ABCG1: variants seen among roughly 807,000 people sequenced by gnomAD.
ABCG1 encodes the protein ATP-binding cassette sub-family G member 1.
ABCG1 carries 29 observed loss-of-function variants against 69.2 expected under a neutral mutation model. The observed-to-expected ratio is 0.42, with a 90% CI of 0.31 to 0.57. ABCG1 has a LOEUF of 0.57. ABCG1 is among the 20% of genes least tolerant of loss of function. ABCG1 has a pLI of 0.15. For missense variants in ABCG1, 718 were observed against 898.1 expected, an observed-to-expected ratio of 0.80 and a Z score of 2.56; for synonymous variants, 370 against 374.8, an observed-to-expected ratio of 0.99 and a Z score of 0.15.
At chr21:42,293,411 TAC>T (rs2069128313) in intron 13 of ABCG1, among the ~76,000 whole-genome samples, 1 of 113,780 alleles carries the variant, frequency 8.8e-6, no homozygotes, top group African/African-American at 3.5e-5. Context: ...CACCACGCAC[TAC>T]ACACATACCA....
intron 2 of ABCG1, among the ~76,000 whole-genome samples, chr21:42,205,563 G>C (rs933849977): frequency 6.7e-6 from 1 of 149,886 alleles, no homozygotes; most frequent in African/African-American, 2.5e-5. Context: ...ATGACACTGC[G>C]CTCCAGCCTG....
chr21:42,252,883 G>C (rs1031852627), intron 2 of ABCG1, among the ~76,000 whole-genome samples: 1 of 152,140 alleles, frequency 6.6e-6, no homozygotes, highest in African/African-American at 2.4e-5. Context: ...CCCCGCCCAG[G>C]TGGTGTTGGG....
Position 42,219,723 on chromosome 21 carries a change from G to C in ABCG1, c.42+419G>C. 2 of 1,122,968 alleles carry C rather than the reference G, an allele frequency of 1.8e-6. No homozygotes were observed. The highest frequency in any genetic ancestry group is 1.2e-6 in the Non-Finnish European group (1 of 828,764). 69.6% of individuals were successfully genotyped at this position (1,122,968 alleles called of 1,614,324 possible). On this transcript the variant is annotated intron_variant, in intron 1 of 14. Coordinates refer to ENST00000398449, the MANE Select transcript of ABCG1 (RefSeq NM_016818.3). This position sits in a 1 kb window ranked among gnomAD's most constrained non-coding sequence, Gnocchi z 5.3. ...TGAAGAAGGGGAGCCCCGCGCGCGC[G>C]GCTGTGGGCTTGGGGACCGGGGACT...
At chr21:42,203,263 C>A (rs1438845465) in intron 2 of ABCG1, among the ~76,000 whole-genome samples, 3 of 152,174 alleles carry the variant, frequency 2.0e-5, no homozygotes, top group Non-Finnish European at 4.4e-5. Flanking sequence ...GTTATTAACA[C>A]TTTTCGTCTT....
intron 2 of ABCG1, among the ~76,000 whole-genome samples, chr21:42,245,207 C>T (rs532928730): frequency 2.6e-5 from 4 of 152,122 alleles, no homozygotes; most frequent in Admixed American, 6.5e-5. Flanking sequence ...CTTCTGCATC[C>T]GAGGACTTCT....
chr21:42,242,861 G>T (rs1306588907), intron 2 of ABCG1, among the ~76,000 whole-genome samples: 1 of 152,174 alleles, frequency 6.6e-6, no homozygotes, highest in Non-Finnish European at 1.5e-5. Flanking sequence ...TTGTGAAAAT[G>T]CAGGTGGCTG....
Position 42,225,749 on chromosome 21 carries a change from A to G in ABCG1, c.121A>G (p.Met41Val), listed in dbSNP as rs771865104. Reference sequence around the variant, plus strand: ...GGTGGATGAGGTGGTGTCCAGCAACATGGAGGCCACTGAGACGGACCTGCT... The same window carrying G: ...GGTGGATGAGGTGGTGTCCAGCAACGTGGAGGCCACTGAGACGGACCTGCT... Reference protein sequence around the residue: ...VSVDEVVSSNMEATETDLLNG... With the variant: ...VSVDEVVSSNVEATETDLLNG... The change falls in exon 2 of 15, where the codon ATG becomes GTG. Residue 41 changes from methionine (M) to valine (V), a missense_variant. Coordinates refer to ENST00000398449, the MANE Select transcript of ABCG1 (RefSeq NM_016818.3). 6.2e-7 allele frequency: 1 copy of G among 1,614,024 alleles called. No homozygotes were observed. Among genetic ancestry groups the G allele is most frequent in the South Asian group, 1.1e-5 (1 of 91,066 alleles).
Position 42,296,537 on chromosome 21 carries a change from C to T in ABCG1, c.*145C>T, listed in dbSNP as rs371391053. 8.4e-5 allele frequency: 58 copies of T among 687,358 alleles called. No homozygotes were observed. The highest frequency in any genetic ancestry group is 7.4e-4 in the East Asian group (27 of 36,602). 42.6% of individuals were successfully genotyped at this position (687,358 alleles called of 1,614,324 possible). On this transcript the variant is annotated 3_prime_UTR_variant, in exon 15 of 15. Transcript: ENST00000398449. The surrounding 1 kb of genome is among the most constrained non-coding windows in gnomAD (Gnocchi z 5.4). ...AACCGCGTTGGGTTTGTGGGTGTCT[C>T]GTGCTCAGCCACTCTGCCCAGCTGG... is the stretch of plus-strand genomic sequence containing the variant.
intron 2 of ABCG1, among the ~76,000 whole-genome samples, chr21:42,268,392 C>CGT (rs140524120): frequency 0.16 from 19,272 of 121,686 alleles, 1,273 homozygotes; most frequent in Non-Finnish European, 0.17. Context: ...TGTGTGTGCG[C>CGT]GCGCGCGCTG....
intron 2 of ABCG1, among the ~76,000 whole-genome samples, chr21:42,248,790 C>T (rs1428962338): frequency 6.6e-6 from 1 of 150,754 alleles, no homozygotes; most frequent in East Asian, 1.9e-4. Context: ...ACCTGTAGTC[C>T]CAGTTACTTG....
chr21:42,214,251 G>A (rs972147934), upstream of ABCG1, among the ~76,000 whole-genome samples: 5 of 152,202 alleles, frequency 3.3e-5, no homozygotes, highest in African/African-American at 1.2e-4. Flanking sequence ...ACAGGTTGAA[G>A]GGCCCATCTC....
At chr21:42,275,233 G>A (rs2068688939) in intron 4 of ABCG1, among the ~76,000 whole-genome samples, 1 of 152,200 alleles carries the variant, frequency 6.6e-6, no homozygotes, top group Admixed American at 6.5e-5. Flanking sequence ...TGGGGAAACA[G>A]AAGCAGGAAC....
At chr21:42,200,158 G>A (rs1008145284) in intron 1 of ABCG1, among the ~76,000 whole-genome samples, 3 of 152,240 alleles carry the variant, frequency 2.0e-5, no homozygotes, top group Non-Finnish European at 4.4e-5. Context: ...CTCGGTTTCT[G>A]TGATGGTGTG....
intron 5 of ABCG1, among the ~76,000 whole-genome samples, chr21:42,278,855 CT>C (rs2068755643): frequency 6.6e-6 from 1 of 152,066 alleles, no homozygotes; most frequent in Admixed American, 6.5e-5. Context: ...CCAGGGCGAC[CT>C]TCACTCTCCC....
rs140104696 is a variant in ABCG1, at chr21:42,238,812, G to C, written c.286+12898G>C. 6.2e-3 allele frequency among the ~76,000 whole-genome samples: 949 copies of C among 152,318 alleles called. 1 individual carries two copies. The highest frequency in any genetic ancestry group is 0.011 in the Admixed American group (165 of 15,306). On this transcript the variant is annotated intron_variant, in intron 2 of 14. Coordinates refer to ENST00000398449, the MANE Select transcript of ABCG1 (RefSeq NM_016818.3). ...TTGAGGATGTTGTGCCCACTGCTCTGGTTGGCAGCTCGTGGCAGGGAGAGG... is the reference window on the plus strand; with the variant it reads ...TTGAGGATGTTGTGCCCACTGCTCTCGTTGGCAGCTCGTGGCAGGGAGAGG...
At chr21:42,211,205 G>A (rs143541516), upstream of ABCG1, among the ~76,000 whole-genome samples, 2,678 of 152,170 alleles carry the variant, frequency 0.018, 82 homozygotes, top group African/African-American at 0.06. Context: ...TGATCCGCCC[G>A]CCTCGGGCTC....
upstream of ABCG1, among the ~76,000 whole-genome samples, chr21:42,214,059 T>C (rs1323514214): frequency 6.6e-6 from 1 of 152,242 alleles, no homozygotes; most frequent in Non-Finnish European, 1.5e-5. Flanking sequence ...GTGAGAAGAC[T>C]GAATTCTGGA....
chr21:42,208,127 T>A (rs1378836808), intron 2 of ABCG1, among the ~76,000 whole-genome samples: 1 of 152,224 alleles, frequency 6.6e-6, no homozygotes, highest in Non-Finnish European at 1.5e-5. Context: ...CTGGAATGTT[T>A]GGTTGAAGCA....
chr21:42,288,324 C>T lies in ABCG1; in HGVS notation c.1224+12C>T, dbSNP rs757985843. ...TCATGAGGGACTCGGTAAGGCTGCC[C>T]GCATCTTCTCCTGTAGCTGGGGAAC... On this transcript the variant is annotated intron_variant, in intron 10 of 14. Coordinates refer to ENST00000398449, the MANE Select transcript of ABCG1 (RefSeq NM_016818.3). This position sits in a 1 kb window ranked among gnomAD's most constrained non-coding sequence, Gnocchi z 4.8. 2.8e-5 allele frequency: 45 copies of T among 1,594,762 alleles called. No homozygotes were observed. Among genetic ancestry groups the T allele is most frequent in the Non-Finnish European group, 3.7e-5 (43 of 1,163,020 alleles).
Sources: gnomAD v4.1 joint callset for allele counts (sites outside exome capture counted in the v4.1 genomes callset) on GRCh38, gnomAD v4.1.1 for gene constraint, Gnocchi (gnomAD v3.1) non-coding constraint, MANE v1.5 for transcripts, NCBI Gene and HGNC (gene_info 2026-07-23, HGNC 2026-07-21) for gene names.